Variants in GRID2 observed in about 807,000 individuals in gnomAD.
The protein encoded by GRID2 is glutamate ionotropic receptor delta type subunit 2.
GRID2 carries 33 observed loss-of-function variants against 114.8 expected under a neutral mutation model. The observed-to-expected ratio is 0.29, with a 90% confidence interval of 0.22 to 0.38. The LOEUF (loss-of-function observed/expected upper bound fraction) is 0.38, where lower values mean the gene tolerates loss of function less well. GRID2 is among the 10% of genes least tolerant of loss of function. The pLI is 1.00. For synonymous variants in GRID2, 505 were observed against 449.9 expected (o/e 1.12, Z -1.55); for missense variants, 1,184 against 1,257.7 (o/e 0.94, Z 0.89).
chr4:92,553,259 ATTCT>A (rs1477354339), intron 1 of GRID2, among the ~76,000 whole-genome samples: 1 of 152,124 alleles, frequency 6.6e-6, no homozygotes, highest in African/African-American at 2.4e-5. Context: ...ACATCATATA[ATTCT>A]TTATATGAAA....
chr4:93,626,223 C>A, intron 13 of GRID2, 46 bp from the exon 14 acceptor site: 5 of 1,070,420 alleles, frequency 4.7e-6, no homozygotes, highest in South Asian at 2.9e-5. Flanking sequence ...AATTAAAATT[C>A]CAACTTTAAA....
chr4:92,473,699 G>A lies in GRID2; in HGVS notation c.89-116432G>A, dbSNP rs549460616. 5.3e-5 allele frequency among the ~76,000 whole-genome samples: 8 copies of A among 152,054 alleles called. No individual in the cohort carries two copies. The South Asian group carries it at 8.3e-4, about 16-fold the overall frequency. On this transcript the variant is annotated intron_variant, in intron 1 of 15. Coordinates refer to ENST00000282020, the MANE Select transcript of GRID2 (RefSeq NM_001510.4). ...GTGTTCAGCTGTTGTTAGCTATCGCGTTCTAAAACCATCAATAGTGTCAAG... is the reference window on the plus strand; with the variant it reads ...GTGTTCAGCTGTTGTTAGCTATCGCATTCTAAAACCATCAATAGTGTCAAG...
intron 2 of GRID2, among the ~76,000 whole-genome samples, chr4:93,048,324 T>C (rs1040651478): frequency 6.6e-6 from 1 of 152,080 alleles, no homozygotes; most frequent in Admixed American, 6.6e-5. Flanking sequence ...TCTTTTCTGC[T>C]TTATAGCATA....
intron 1 of GRID2, among the ~76,000 whole-genome samples, chr4:92,398,875 T>C (rs572423726): frequency 6.6e-6 from 1 of 152,338 alleles, no homozygotes; most frequent in African/African-American, 2.4e-5. Flanking sequence ...GCAGTGGGAC[T>C]GAGTGAGCTG....
chr4:92,928,492 A>C (rs1221962857), intron 2 of GRID2, among the ~76,000 whole-genome samples: 1 of 151,648 alleles, frequency 6.6e-6, no homozygotes, highest in Non-Finnish European at 1.5e-5. Flanking sequence ...ATAAAAAATG[A>C]CTATAAAGTA....
chr4:92,867,632 T>C (rs777111325), intron 2 of GRID2, among the ~76,000 whole-genome samples: 1 of 151,978 alleles, frequency 6.6e-6, no homozygotes, highest in Admixed American at 6.6e-5. Context: ...AGTTAATGTG[T>C]TGGTAAAAGG....
chr4:93,554,920 T>A (rs931710104), intron 13 of GRID2, among the ~76,000 whole-genome samples: 2 of 152,098 alleles, frequency 1.3e-5, no homozygotes, highest in African/African-American at 4.8e-5. Context: ...GCTCATATCA[T>A]TGGGACTGGT....
At chr4:92,872,008 TGTGA>T (rs1182033328) in intron 2 of GRID2, among the ~76,000 whole-genome samples, 1 of 152,132 alleles carries the variant, frequency 6.6e-6, no homozygotes, top group Non-Finnish European at 1.5e-5. Flanking sequence ...CAGGTGTATG[TGTGA>T]GTGTGTGTCT....
chr4:92,646,955 T>C (rs1456186685), intron 2 of GRID2, among the ~76,000 whole-genome samples: 1 of 152,152 alleles, frequency 6.6e-6, no homozygotes, highest in African/African-American at 2.4e-5. Context: ...TGTACTTGGA[T>C]TTAGACATTT....
At chr4:92,471,565 TAAAC>T (rs1260280270) in intron 1 of GRID2, among the ~76,000 whole-genome samples, 2 of 152,086 alleles carry the variant, frequency 1.3e-5, no homozygotes, top group African/African-American at 2.4e-5. Flanking sequence ...ATAATAAACA[TAAAC>T]AACCAACTGA....
At chr4:92,981,976 T>C (rs768080732) in intron 2 of GRID2, among the ~76,000 whole-genome samples, 6 of 148,344 alleles carry the variant, frequency 4.0e-5, no homozygotes, top group Non-Finnish European at 7.4e-5. Context: ...AAATTTAGTT[T>C]ATTTCAGTTT....
chr4:93,377,702 A>T (rs1763498592), intron 8 of GRID2, among the ~76,000 whole-genome samples: 1 of 152,146 alleles, frequency 6.6e-6, no homozygotes, highest in South Asian at 2.1e-4. Flanking sequence ...TATTATAATA[A>T]CACTTCTGAG....
intron 1 of GRID2, among the ~76,000 whole-genome samples, chr4:92,378,622 A>G (rs996418171): frequency 1.6e-4 from 24 of 152,116 alleles, no homozygotes; most frequent in African/African-American, 5.8e-4. Context: ...CACCCCACAC[A>G]CTTTACCCAT....
At chr4:92,923,130 A>G (rs541760870) in intron 2 of GRID2, among the ~76,000 whole-genome samples, 2 of 152,210 alleles carry the variant, frequency 1.3e-5, no homozygotes, top group Admixed American at 6.5e-5. Flanking sequence ...ATGAAATGCA[A>G]TAGTGTTATA....
At chr4:92,941,592 A>G (rs1264308366) in intron 2 of GRID2, among the ~76,000 whole-genome samples, 5 of 151,852 alleles carry the variant, frequency 3.3e-5, no homozygotes, top group African/African-American at 1.2e-4. Flanking sequence ...GATCTTAATT[A>G]TTTCTTGTCT....
At chr4:93,552,499 G>A (rs1233176557) in intron 13 of GRID2, among the ~76,000 whole-genome samples, 1 of 152,154 alleles carries the variant, frequency 6.6e-6, no homozygotes, top group African/African-American at 2.4e-5. Context: ...CCCACCAACA[G>A]TGTAAAAGTG....
At chr4:93,104,646 T>G (rs541311008) in intron 3 of GRID2, among the ~76,000 whole-genome samples, 3 of 152,364 alleles carry the variant, frequency 2.0e-5, no homozygotes, top group Admixed American at 1.3e-4. Flanking sequence ...CTCTTCATTT[T>G]TTATGGCTGC....
chr4:93,512,192 T>C (rs1372467839), intron 12 of GRID2, among the ~76,000 whole-genome samples: 1 of 152,192 alleles, frequency 6.6e-6, no homozygotes, highest in African/African-American at 2.4e-5. Context: ...CTATTAATGA[T>C]TCTATGATTG....
chr4:93,191,190 A>T (rs6832783), intron 4 of GRID2, among the ~76,000 whole-genome samples: 15,067 of 152,104 alleles, frequency 0.099, 868 homozygotes, highest in East Asian at 0.17. Context: ...CACAAAAAAT[A>T]GCAAAACTCT....
Sources: allele counts gnomAD v4.1 joint callset (sites outside exome capture counted in the v4.1 genomes callset), GRCh38; gene constraint gnomAD v4.1.1; transcripts MANE v1.5; gene names NCBI Gene and HGNC (gene_info 2026-07-23, HGNC 2026-07-21).